The following DGKG variants were observed in gnomAD, a reference collection of about 807,000 sequenced individuals.
DGKG encodes the protein diacylglycerol kinase gamma.
Under a neutral mutation model 105.3 loss-of-function variants are expected in DGKG, and 78 were observed. The ratio of observed to expected loss-of-function variants is 0.74; its 90% CI spans 0.62 to 0.89. DGKG has a LOEUF of 0.89. Among genes scored for constraint, DGKG ranks in the 40% least tolerant of loss-of-function variants. The pLI, the probability that DGKG is intolerant of heterozygous loss-of-function variation, is 0.00. For missense variants in DGKG, 958 were observed against 1,020.1 expected, an observed-to-expected ratio of 0.94 and a Z score of 0.83; for synonymous variants, 346 against 367.1, an observed-to-expected ratio of 0.94 and a Z score of 0.66.
rs1716315020 is a variant in DGKG at position 186,162,030 on chromosome 3, G to A, written c.2217-367C>T. On this transcript the variant is annotated intron_variant, in intron 23 of 24. Transcript: ENST00000265022. The stretch of plus-strand genomic sequence containing the variant: ...CTTCCTCAGCCTCCCGAGTAGATGG[G>A]ATTACAGGCATGTGCCACCACACCC... Among the ~76,000 whole-genome samples, 6 of 152,272 alleles carry A rather than the reference G, an allele frequency of 3.9e-5. No individual in the cohort carries two copies. The South Asian group carries it at 1.0e-3, about 26-fold the overall frequency.
At chr3:186,281,895 T>A (rs1159494953) in intron 7 of DGKG, among the ~76,000 whole-genome samples, 1 of 152,184 alleles carries the variant, frequency 6.6e-6, no homozygotes, top group African/African-American at 2.4e-5. Context: ...TCAGGCCACA[T>A]TTGGATACTT....
At chr3:186,345,271 A>T (rs1726274439) in intron 1 of DGKG, among the ~76,000 whole-genome samples, 1 of 152,210 alleles carries the variant, frequency 6.6e-6, no homozygotes, top group South Asian at 2.1e-4. Context: ...TTTTTGCACA[A>T]CACTTTGTTT....
At chr3:186,179,182 G>A (rs1337036662) in intron 22 of DGKG, among the ~76,000 whole-genome samples, 1 of 152,220 alleles carries the variant, frequency 6.6e-6, no homozygotes, top group Non-Finnish European at 1.5e-5. Context: ...ACCATGGTTT[G>A]AGGATCAAAT....
At chr3:186,163,521 A>G (rs1716398704) in intron 23 of DGKG, among the ~76,000 whole-genome samples, 2 of 152,134 alleles carry the variant, frequency 1.3e-5, no homozygotes, top group African/African-American at 4.8e-5. Context: ...GGGAAAAGCT[A>G]TCTTCTGATG....
At chr3:186,276,648 C>G (rs958753321) in intron 9 of DGKG, among the ~76,000 whole-genome samples, 1 of 152,178 alleles carries the variant, frequency 6.6e-6, no homozygotes, top group Non-Finnish European at 1.5e-5. Flanking sequence ...CTAGGTACAC[C>G]AAGCCTCACA....
chr3:186,147,373 C>T lies in DGKG; in HGVS notation c.*2717G>A, dbSNP rs980974451. ...AAACCTCATTAAGCCTTGTTCTCCT[C>T]ATTGAGATCGAGATAATAATACCTT... On this transcript the variant is annotated 3_prime_UTR_variant, in exon 25 of 25. Transcript: ENST00000265022. 1.0e-6 allele frequency: 1 copy of T among 979,376 alleles called. No homozygotes were observed. Among genetic ancestry groups the T allele is most frequent in the Non-Finnish European group, 1.2e-6 (1 of 824,070 alleles). 60.7% of individuals were successfully genotyped at this position (979,376 alleles called of 1,614,324 possible). A position where few individuals can be genotyped will look rare whatever the true frequency, so the allele number is the denominator to read the frequency against.
intron 1 of DGKG, among the ~76,000 whole-genome samples, chr3:186,353,912 A>AC (rs1191079027): frequency 6.6e-6 from 1 of 152,078 alleles, no homozygotes; most frequent in African/African-American, 2.4e-5. Context: ...GCACCATGGG[A>AC]CTTTTTCCCC....
intron 21 of DGKG, among the ~76,000 whole-genome samples, chr3:186,209,093 CTTT>C (rs34226259): frequency 1.0e-3 from 90 of 89,790 alleles, no homozygotes; most frequent in Non-Finnish European, 1.6e-3. Flanking sequence ...GTTTACTCTT[CTTT>C]TTTTTTTTTT....
At chr3:186,320,908 AT>A (rs934224499) in intron 1 of DGKG, among the ~76,000 whole-genome samples, 37 of 152,300 alleles carry the variant, frequency 2.4e-4, no homozygotes, top group African/African-American at 8.9e-4. Flanking sequence ...GCCTGTATGA[AT>A]AGGTGGGCCA....
chr3:186,152,909 G>C (rs185052448), intron 24 of DGKG, among the ~76,000 whole-genome samples: 2 of 150,754 alleles, frequency 1.3e-5, no homozygotes, highest in Non-Finnish European at 2.9e-5. Flanking sequence ...TGATCCGCCC[G>C]TGTCGGCCTC....
chr3:186,234,329 A>G (rs753880383), intron 20 of DGKG, among the ~76,000 whole-genome samples: 1 of 152,242 alleles, frequency 6.6e-6, no homozygotes, highest in Non-Finnish European at 1.5e-5. Context: ...GAAAGCATCC[A>G]GACTGTCAAC....
rs181933977 is a variant in DGKG at position 186,201,430 on chromosome 3, C to G, written c.1917+10365G>C. Among the ~76,000 whole-genome samples, 662 of 152,330 alleles carry G rather than the reference C, an allele frequency of 4.3e-3. 6 individuals carry two copies. Among genetic ancestry groups the G allele is most frequent in the South Asian group, 0.019 (91 of 4,832 alleles). ...ACCCTACAGCCACCTGGCACCCTCA[C>G]TGCCACATGAGCTCTGCCCACTCAC... On this transcript the variant is annotated intron_variant, in intron 21 of 24. Transcript: ENST00000265022.
chr3:186,347,742 T>G (rs1374015671), intron 1 of DGKG, among the ~76,000 whole-genome samples: 1 of 151,814 alleles, frequency 6.6e-6, no homozygotes, highest in Non-Finnish European at 1.5e-5. Context: ...ACCACCACGC[T>G]AGGCTAATTT....
intron 5 of DGKG, among the ~76,000 whole-genome samples, chr3:186,297,068 T>A (rs6771926): frequency 0.53 from 68,724 of 129,860 alleles, 18,616 homozygotes; most frequent in Non-Finnish European, 0.59. Flanking sequence ...TCTGTCTCTC[T>A]CACACACACA....
chr3:186,179,892 C>T (rs996154711), intron 22 of DGKG, among the ~76,000 whole-genome samples: 18 of 152,222 alleles, frequency 1.2e-4, no homozygotes, highest in African/African-American at 4.3e-4. Flanking sequence ...GCATCACTCA[C>T]ACAAATTCAC....
intron 1 of DGKG, among the ~76,000 whole-genome samples, chr3:186,352,393 C>A (rs1726675412): frequency 6.6e-6 from 1 of 152,160 alleles, no homozygotes; most frequent in Non-Finnish European, 1.5e-5. Context: ...GATCTAGATA[C>A]ATGGAAATAG....
At position 186,189,866 on chromosome 3, in the gene DGKG, CAG is replaced by C. The variant is rs1717822114; in HGVS notation, c.1918-1489_1918-1488del. Reference sequence around the variant, plus strand: ...GATTCTCTCTCACTCTTGTTTCCACCAGTTGGTCCTGTTCTCCCTTCTGAACC... The same window carrying C: ...GATTCTCTCTCACTCTTGTTTCCACCTTGGTCCTGTTCTCCCTTCTGAACC... On this transcript the variant is annotated intron_variant, in intron 21 of 24. Coordinates refer to ENST00000265022, the MANE Select transcript of DGKG (RefSeq NM_001346.3). Among the ~76,000 whole-genome samples the C allele has an allele frequency of 2.0e-5, 3 of 152,178 alleles. No homozygotes were observed. In the South Asian group the frequency reaches 6.2e-4, roughly 32 times the overall value.
rs1718288288 is a variant in DGKG at position 186,198,425 on chromosome 3, G to C, written c.1918-10046C>G. ...GAGGCAGAAGACAGGAGTACTCACT[G>C]ATCTATCAAGAATGATGAGAACCTA... On this transcript the variant is annotated intron_variant, in intron 21 of 24. Transcript: ENST00000265022. Among the ~76,000 whole-genome samples the C allele has an allele frequency of 2.0e-5, 3 of 152,214 alleles. No homozygotes were observed. In the South Asian group the frequency reaches 6.2e-4, roughly 32 times the overall value.
chr3:186,318,529 C>A (rs938199022), intron 2 of DGKG, among the ~76,000 whole-genome samples: 3 of 152,104 alleles, frequency 2.0e-5, no homozygotes, highest in Non-Finnish European at 4.4e-5. Flanking sequence ...CAGGATGTAA[C>A]CTTATTTGGG....
Sources: allele counts gnomAD v4.1 joint callset (sites outside exome capture counted in the v4.1 genomes callset), GRCh38; gene constraint gnomAD v4.1.1; transcripts MANE v1.5; gene names NCBI Gene and HGNC (gene_info 2026-07-23, HGNC 2026-07-21).